ABCC5: variants seen among roughly 807,000 people sequenced by gnomAD.
ABCC5 encodes ATP-binding cassette sub-family C member 5.
A neutral mutation model predicts 160.9 loss-of-function variants in ABCC5; 61 were observed. That is an observed-to-expected ratio of 0.38 (90% confidence interval 0.31 to 0.47). ABCC5 has a LOEUF of 0.47. ABCC5 is among the 20% of genes least tolerant of loss of function. ABCC5 has a pLI of 0.99. For synonymous variants in ABCC5, 666 were observed against 700.6 expected, an observed-to-expected ratio of 0.95 and a Z score of 0.78; for missense variants, 1,308 against 1,813.3, an observed-to-expected ratio of 0.72 and a Z score of 5.06.
chr3:183,926,076 G>A (rs1372873133), intron 28 of ABCC5, among the ~76,000 whole-genome samples: 2 of 146,966 alleles, frequency 1.4e-5, no homozygotes, highest in African/African-American at 2.5e-5. Context: ...CTGACCTTGC[G>A]ATCCACCTGC....
At chr3:183,943,698 G>A (rs935136712) in intron 24 of ABCC5, among the ~76,000 whole-genome samples, 10 of 152,138 alleles carry the variant, frequency 6.6e-5, no homozygotes, top group African/African-American at 9.7e-5. Context: ...ACTCCAAGCT[G>A]GAAGGACTCT....
rs1714808321 is a variant in ABCC5, at chr3:183,946,030, T to G, written c.3415-91A>C. On this transcript the variant is annotated intron_variant, in intron 23 of 29. Transcript: ENST00000334444. ...GAACTTCCTTCATCTAGAGGACTAC[T>G]AAGAACTGAGCACATGCAGCAGCTG... 3.1e-5 allele frequency: 37 copies of G among 1,199,524 alleles called. No individual in the cohort carries two copies. In the South Asian group the frequency reaches 3.2e-4, roughly 10 times the overall value. The allele number at this position is 1,199,524 out of a possible 1,614,324, so 74.3% of individuals were successfully genotyped here. A position where few individuals can be genotyped will look rare whatever the true frequency, so the allele number is the denominator to read the frequency against.
chr3:183,990,537 A>G (rs901535810), intron 2 of ABCC5, among the ~76,000 whole-genome samples: 14 of 152,274 alleles, frequency 9.2e-5, no homozygotes, highest in South Asian at 4.1e-4. Flanking sequence ...CCCATTTCCT[A>G]TGACAAAAAT....
At chr3:184,010,266 CAAAAAAAAAAA>C (rs10541470) in intron 2 of ABCC5, among the ~76,000 whole-genome samples, 1 of 74,480 alleles carries the variant, frequency 1.3e-5, no homozygotes, top group Non-Finnish European at 2.5e-5. Flanking sequence ...GACTTCGTCT[CAAAAAAAAAAA>C]AAAAAAAAAA....
rs548429377 is a variant in ABCC5 at position 183,956,339 on chromosome 3, G to T, written c.2483-3069C>A. 5.3e-5 allele frequency among the ~76,000 whole-genome samples: 8 copies of T among 151,550 alleles called. No homozygotes were observed. In the South Asian group the frequency reaches 1.7e-3, roughly 32 times the overall value. On this transcript the variant is annotated intron_variant, in intron 17 of 29. Coordinates refer to ENST00000334444, the MANE Select transcript of ABCC5 (RefSeq NM_005688.4). ...GTGTAAATCACATCGGTTACATGCAGATCCGTGTGTATATCACATCGGTTA... is the reference window on the plus strand; with the variant it reads ...GTGTAAATCACATCGGTTACATGCATATCCGTGTGTATATCACATCGGTTA...
Position 183,920,175 on chromosome 3 carries a change from C to T in ABCC5, c.*1125G>A, listed in dbSNP as rs1289506708. 6.6e-6 allele frequency: 1 copy of T among 152,628 alleles called. No homozygotes were observed. Among genetic ancestry groups the T allele is most frequent in the Non-Finnish European group, 1.5e-5 (1 of 68,070 alleles). 9.5% of individuals were successfully genotyped at this position (152,628 alleles called of 1,614,324 possible). A position where few individuals can be genotyped will look rare whatever the true frequency, so the allele number is the denominator to read the frequency against. Reference sequence around the variant, plus strand: ...ACCTGAGGTAGGTCTCTTTACAGTACAAAAACTTCTACGCCAGTGTGAGAC... The same window carrying T: ...ACCTGAGGTAGGTCTCTTTACAGTATAAAAACTTCTACGCCAGTGTGAGAC... On this transcript the variant is annotated 3_prime_UTR_variant, in exon 30 of 30. Coordinates refer to ENST00000334444, the MANE Select transcript of ABCC5 (RefSeq NM_005688.4). The surrounding 1 kb of genome is among the most constrained non-coding windows in gnomAD (Gnocchi z 4.1).
intron 17 of ABCC5, among the ~76,000 whole-genome samples, chr3:183,955,227 A>G (rs1294705086): frequency 6.6e-6 from 1 of 152,216 alleles, no homozygotes; most frequent in Non-Finnish European, 1.5e-5. Context: ...TTGCAGAGAC[A>G]TTTCAAAATA....
At position 183,982,428 on chromosome 3, in the gene ABCC5, A is replaced by C. The variant is rs751436027; in HGVS notation, c.999+23T>G. On this transcript the variant is annotated intron_variant, in intron 7 of 29. Coordinates refer to ENST00000334444, the MANE Select transcript of ABCC5 (RefSeq NM_005688.4). The surrounding 1 kb of genome is among the most constrained non-coding windows in gnomAD (Gnocchi z 5.2). Reference sequence around the variant, plus strand: ...CATCTCCTAAGGAGAAGCTGCCAGGATTCAGCTGGGAGGCTTACTCACCAT... The same window carrying C: ...CATCTCCTAAGGAGAAGCTGCCAGGCTTCAGCTGGGAGGCTTACTCACCAT... 6.2e-7 allele frequency: 1 copy of C among 1,609,112 alleles called. No homozygotes were observed. The highest frequency in any genetic ancestry group is 8.5e-7 in the Non-Finnish European group (1 of 1,177,218).
chr3:183,959,971 C>G (rs1716572621), intron 16 of ABCC5, 136 bp from the exon 17 acceptor site: 1 of 589,538 alleles, frequency 1.7e-6, no homozygotes, highest in African/African-American at 1.9e-5. Context: ...AAAGGGTCAC[C>G]TATACTCATT....
At chr3:183,942,194 C>G (rs1405230231) in intron 25 of ABCC5, among the ~76,000 whole-genome samples, 1 of 152,006 alleles carries the variant, frequency 6.6e-6, no homozygotes, top group Non-Finnish European at 1.5e-5. Context: ...CATGTGCCAC[C>G]ACACCTGGCT....
At chr3:183,965,320 G>C in intron 13 of ABCC5, 57 bp downstream of exon 13, 1 of 1,614,086 alleles carries the variant, frequency 6.2e-7, no homozygotes, top group Non-Finnish European at 8.5e-7. Context: ...GACTAGGGCT[G>C]CCTTGCATCT....
intron 2 of ABCC5, among the ~76,000 whole-genome samples, chr3:184,005,807 C>T (rs1189916452): frequency 1.3e-5 from 2 of 151,560 alleles, no homozygotes; most frequent in African/African-American, 2.4e-5. Context: ...AAAGCATTAA[C>T]GGAAACCCAC....
At position 183,963,903 on chromosome 3, in the gene ABCC5, C is replaced by T. The variant is rs1467180445; in HGVS notation, c.2032-315G>A. Among the ~76,000 whole-genome samples, 1 of 152,186 alleles carries T rather than the reference C, an allele frequency of 6.6e-6. No individual in the cohort carries two copies. Among genetic ancestry groups the T allele is most frequent in the Non-Finnish European group, 1.5e-5 (1 of 68,042 alleles). On this transcript the variant is annotated intron_variant, in intron 14 of 29. Coordinates refer to ENST00000334444, the MANE Select transcript of ABCC5 (RefSeq NM_005688.4). This position sits in a 1 kb window ranked among gnomAD's most constrained non-coding sequence, Gnocchi z 4.6. ...ACATGGCAGGAAGATCTTTCCAGAA[C>T]ACAAAGCTGACCATCTCCCACCCTT...
chr3:183,963,260 TA>T lies in ABCC5; in HGVS notation c.2235+124del. The T allele has an allele frequency of 9.6e-7, 1 of 1,042,524 alleles. No homozygotes were observed. Among genetic ancestry groups the T allele is most frequent in the Non-Finnish European group, 1.4e-6 (1 of 694,570 alleles). 64.6% of individuals were successfully genotyped at this position (1,042,524 alleles called of 1,614,324 possible). ...TTATTGGTACAGGGGGCTAATTTGC[TA>T]AGAAAATGAAACCTTGATTCCAGGA... On this transcript the variant is annotated intron_variant, in intron 15 of 29. Transcript: ENST00000334444. The surrounding 1 kb of genome is among the most constrained non-coding windows in gnomAD (Gnocchi z 4.6).
intron 29 of ABCC5, among the ~76,000 whole-genome samples, chr3:183,922,358 A>G (rs1468839035): frequency 4.0e-5 from 5 of 124,442 alleles, no homozygotes; most frequent in Non-Finnish European, 7.7e-5. Flanking sequence ...GGGCAACAAG[A>G]GCGAAACTCC....
At chr3:183,972,290 C>T (rs550773214) in intron 10 of ABCC5, among the ~76,000 whole-genome samples, 13 of 152,302 alleles carry the variant, frequency 8.5e-5, no homozygotes, top group African/African-American at 2.6e-4. Flanking sequence ...GCATGCTGAC[C>T]TCCAGTACAG....
chr3:183,993,776 G>A (rs1719991933), intron 2 of ABCC5, among the ~76,000 whole-genome samples: 1 of 152,050 alleles, frequency 6.6e-6, no homozygotes, highest in African/African-American at 2.4e-5. Flanking sequence ...TAAGTGTATA[G>A]AATTCAGAGG....
At chr3:183,931,921 G>A (rs1713218558) in intron 26 of ABCC5, among the ~76,000 whole-genome samples, 1 of 152,356 alleles carries the variant, frequency 6.6e-6, no homozygotes, top group South Asian at 2.1e-4. Context: ...ATAGAAAAGT[G>A]TCTGAACATG....
At position 183,981,735 on chromosome 3, in the gene ABCC5, C is replaced by T. The variant is rs753407446; in HGVS notation, c.1139G>A (p.Ser380Asn). The change falls in exon 8 of 30, where the codon AGT becomes AAT. Residue 380 changes from serine (S) to asparagine (N), a missense_variant. Ser to Asn is a conservative substitution (Grantham distance 46, BLOSUM62 1). Around this residue, in one of 3 missense-constraint regions of ABCC5, gnomAD observed 1,142 missense variants for 1,527.1 expected, o/e 0.75. Transcript: ENST00000334444. ...AAAATCTTTAAACTCACTTTGAACA[C>T]TCTGAGAAAATGCTTTGACCCAGGC... The part of the protein sequence containing the change: ...MYAWVKAFSQ[S>N]VQKIREEERR... 28 of 1,610,788 alleles carry T rather than the reference C, an allele frequency of 1.7e-5. No homozygotes were observed. The highest frequency in any genetic ancestry group is 2.2e-5 in the Non-Finnish European group (26 of 1,179,246).
Sources: allele counts gnomAD v4.1 joint callset (sites outside exome capture counted in the v4.1 genomes callset), GRCh38; gene constraint gnomAD v4.1.1; regional missense constraint gnomAD v4.1.1; non-coding constraint Gnocchi (gnomAD v3.1); transcripts MANE v1.5; gene names NCBI Gene and HGNC (gene_info 2026-07-23, HGNC 2026-07-21).